DNER: variants seen among roughly 807,000 people sequenced by gnomAD.
DNER encodes the protein delta/notch like EGF repeat containing.
A neutral mutation model predicts 78.2 loss-of-function variants in DNER; 33 were observed. That is an observed-to-expected ratio of 0.42 (90% CI 0.32 to 0.56). The LOEUF (loss-of-function observed/expected upper bound fraction) is 0.56, where lower values mean the gene tolerates loss of function less well. Among genes scored for constraint, DNER ranks in the 20% least tolerant of loss-of-function variants. DNER has a pLI of 0.11. For missense variants in DNER, 918 were observed against 975.3 expected (o/e 0.94, Z 0.78); for synonymous variants, 417 against 384.8 (o/e 1.08, Z -0.98).
chr2:229,394,190 G>A (rs946717141), intron 10 of DNER, among the ~76,000 whole-genome samples: 1 of 152,162 alleles, frequency 6.6e-6, no homozygotes. Context: ...CCTTGTACAA[G>A]AACAGATACT....
At chr2:229,555,691 G>A (rs997661767) in intron 4 of DNER, among the ~76,000 whole-genome samples, 2 of 152,016 alleles carry the variant, frequency 1.3e-5, no homozygotes, top group African/African-American at 4.8e-5. Flanking sequence ...AAGCAGCAAA[G>A]ACAATTCCCA....
intron 1 of DNER, among the ~76,000 whole-genome samples, chr2:229,702,643 C>T (rs558043511): frequency 5.9e-5 from 9 of 152,132 alleles, no homozygotes; most frequent in African/African-American, 1.9e-4. Flanking sequence ...TCTGGCCGGG[C>T]ACGGTGGCTC....
chr2:229,513,003 A>G, intron 5 of DNER, 67 bp from the exon 6 acceptor site: 2 of 1,512,296 alleles, frequency 1.3e-6, no homozygotes, highest in South Asian at 1.3e-5. Context: ...TGGCTGTGAG[A>G]CTCAAAGTTT....
chr2:229,606,500 TA>T (rs1383904915), intron 1 of DNER, among the ~76,000 whole-genome samples: 1 of 145,812 alleles, frequency 6.9e-6, no homozygotes, highest in East Asian at 2.0e-4. Flanking sequence ...TAAAAAAAAA[TA>T]AAATTCCCAT....
intron 1 of DNER, among the ~76,000 whole-genome samples, chr2:229,598,845 C>T (rs945979254): frequency 3.3e-5 from 5 of 152,066 alleles, no homozygotes; most frequent in African/African-American, 7.2e-5. Flanking sequence ...ACACCCCTCA[C>T]GCATTAAGGG....
At chr2:229,397,898 T>A (rs1693185243) in intron 10 of DNER, among the ~76,000 whole-genome samples, 1 of 152,084 alleles carries the variant, frequency 6.6e-6, no homozygotes, top group Admixed American at 6.6e-5. Context: ...TTTATAGCAC[T>A]AAAATGCATG....
At chr2:229,561,414 A>C (rs937812550) in intron 4 of DNER, among the ~76,000 whole-genome samples, 2 of 152,128 alleles carry the variant, frequency 1.3e-5, no homozygotes, top group East Asian at 3.9e-4. Flanking sequence ...TTCTCAACAA[A>C]CCTTACTGTC....
chr2:229,625,342 A>G (rs1006082134), intron 1 of DNER, among the ~76,000 whole-genome samples: 1 of 151,998 alleles, frequency 6.6e-6, no homozygotes, highest in African/African-American at 2.4e-5. Context: ...TTCCCTTCTG[A>G]CACCTGCTTC....
chr2:229,514,236 A>G (rs1236815097), intron 5 of DNER, among the ~76,000 whole-genome samples: 2 of 152,206 alleles, frequency 1.3e-5, no homozygotes, highest in African/African-American at 4.8e-5. Context: ...TTTTGTTTCC[A>G]GTTATCACAC....
Position 229,466,299 on chromosome 2 carries a change from A to G in DNER, c.1261+10841T>C, listed in dbSNP as rs1694803873. Among the ~76,000 whole-genome samples, 4 of 151,964 alleles carry G rather than the reference A, an allele frequency of 2.6e-5. No individual in the cohort carries two copies. The South Asian group carries it at 8.3e-4, about 32-fold the overall frequency. On this transcript the variant is annotated intron_variant, in intron 7 of 12. Coordinates refer to ENST00000341772, the MANE Select transcript of DNER (RefSeq NM_139072.4). ...CTGCAGTACGGCTCTGCTGAACTGC[A>G]TTTTGTTCCTCAGATTTCTGTGTCT...
chr2:229,552,173 T>C lies in DNER; in HGVS notation c.848-5081A>G, dbSNP rs1241323168. ...CTTCTAGGGTAAAAGCAGGACTGTC[T>C]ATGGGACAGGCAGTGCATGCTTGAG... On this transcript the variant is annotated intron_variant, in intron 4 of 12. Transcript: ENST00000341772. Among the ~76,000 whole-genome samples the C allele has an allele frequency of 2.6e-5, 4 of 152,210 alleles. No individual in the cohort carries two copies. The East Asian group carries it at 7.7e-4, about 29-fold the overall frequency.
intron 1 of DNER, among the ~76,000 whole-genome samples, chr2:229,595,741 C>T (rs777787237): frequency 1.7e-4 from 26 of 152,206 alleles, no homozygotes; most frequent in Non-Finnish European, 3.2e-4. Flanking sequence ...AGGGCCTTTG[C>T]ACCGGCAGTA....
At chr2:229,654,029 C>T (rs1407374171) in intron 1 of DNER, among the ~76,000 whole-genome samples, 1 of 152,122 alleles carries the variant, frequency 6.6e-6, no homozygotes, top group Non-Finnish European at 1.5e-5. Context: ...AGGTTTGTTA[C>T]ATATGTGTAC....
chr2:229,597,091 GCA>G (rs1697733578), intron 1 of DNER, among the ~76,000 whole-genome samples: 2 of 61,280 alleles, frequency 3.3e-5, no homozygotes, highest in South Asian at 1.2e-3. Context: ...GTGCACACAT[GCA>G]CACACACATG....
At chr2:229,637,399 C>T (rs1165689990) in intron 1 of DNER, among the ~76,000 whole-genome samples, 2 of 152,018 alleles carry the variant, frequency 1.3e-5, no homozygotes, top group African/African-American at 2.4e-5. Flanking sequence ...TTGCCAATTG[C>T]GAGGCAATTT....
At position 229,554,840 on chromosome 2, in the gene DNER, G is replaced by A. The variant is rs561516282; in HGVS notation, c.848-7748C>T. On this transcript the variant is annotated intron_variant, in intron 4 of 12. Coordinates refer to ENST00000341772, the MANE Select transcript of DNER (RefSeq NM_139072.4). Reference sequence around the variant, plus strand: ...ACTGCACTCCAGCCTGGGTGACAGAGTAAGACCCTGAAAGGAAAAGAGAAG... The same window carrying A: ...ACTGCACTCCAGCCTGGGTGACAGAATAAGACCCTGAAAGGAAAAGAGAAG... Among the ~76,000 whole-genome samples the A allele has an allele frequency of 9.5e-5, 14 of 147,416 alleles. 1 individual carries two copies. The East Asian group carries it at 2.2e-3, about 23-fold the overall frequency.
rs534535291 is a variant in DNER, at chr2:229,604,559, G to A, written c.277-12671C>T. 6.6e-5 allele frequency among the ~76,000 whole-genome samples: 10 copies of A among 152,244 alleles called. No individual in the cohort carries two copies. In the East Asian group the frequency reaches 1.2e-3, roughly 18 times the overall value. ...AGGGTCACCTTGTTTAGTAAAAGTC[G>A]GGGGAGGCTTTGGGTTGATCCGCCA... On this transcript the variant is annotated intron_variant, in intron 1 of 12. Coordinates refer to ENST00000341772, the MANE Select transcript of DNER (RefSeq NM_139072.4).
intron 8 of DNER, among the ~76,000 whole-genome samples, chr2:229,422,053 T>C (rs968331150): frequency 6.6e-6 from 1 of 152,140 alleles, no homozygotes; most frequent in African/African-American, 2.4e-5. Context: ...ATGTTTTTCT[T>C]CCTTGGGGGG....
intron 5 of DNER, among the ~76,000 whole-genome samples, chr2:229,523,259 G>A (rs1366033370): frequency 2.6e-5 from 4 of 152,328 alleles, no homozygotes; most frequent in African/African-American, 7.2e-5. Context: ...CAACCCCATC[G>A]TGGGTTTCTT....
Sources: gnomAD v4.1 joint callset for allele counts (sites outside exome capture counted in the v4.1 genomes callset) on GRCh38, gnomAD v4.1.1 for gene constraint, MANE v1.5 for transcripts, NCBI Gene and HGNC (gene_info 2026-07-23, HGNC 2026-07-21) for gene names.